Variants in TLL1 observed in about 807,000 individuals in gnomAD.
TLL1 encodes the protein tolloid like 1.
TLL1 carries 49 observed loss-of-function variants against 128.2 expected under a neutral mutation model. The observed-to-expected ratio is 0.38, with a 90% confidence interval of 0.30 to 0.48. TLL1 has a LOEUF of 0.48. Among genes scored for constraint, TLL1 ranks in the 20% least tolerant of loss-of-function variants. The pLI, the probability that TLL1 is intolerant of heterozygous loss-of-function variation, is 0.96. For synonymous variants in TLL1, 454 were observed against 418.8 expected, an observed-to-expected ratio of 1.08 and a Z score of -1.03; for missense variants, 1,123 against 1,242.0, an observed-to-expected ratio of 0.90 and a Z score of 1.44.
At chr4:166,062,729 G>T (rs1458599815) in intron 15 of TLL1, among the ~76,000 whole-genome samples, 1 of 151,974 alleles carries the variant, frequency 6.6e-6, no homozygotes, top group Non-Finnish European at 1.5e-5. Flanking sequence ...CTGCCTGATT[G>T]CCCTGGCCAG....
chr4:166,041,596 G>C (rs1042320769), intron 10 of TLL1, among the ~76,000 whole-genome samples: 1 of 152,106 alleles, frequency 6.6e-6, no homozygotes, highest in Non-Finnish European at 1.5e-5. Flanking sequence ...ACTGTGCCTG[G>C]CCGAGAGCAC....
chr4:166,067,724 G>A (rs926567259), intron 16 of TLL1, among the ~76,000 whole-genome samples: 5 of 151,602 alleles, frequency 3.3e-5, no homozygotes, highest in Non-Finnish European at 7.4e-5. Context: ...AAAGAGTCTA[G>A]CCTAGATTGT....
intron 17 of TLL1, among the ~76,000 whole-genome samples, chr4:166,077,553 T>C (rs538995585): frequency 1.3e-5 from 2 of 152,308 alleles, no homozygotes; most frequent in African/African-American, 2.4e-5. Flanking sequence ...GTTTGTGACA[T>C]TGGATTAAAT....
At chr4:165,983,485 T>G (rs1008301050) in intron 1 of TLL1, among the ~76,000 whole-genome samples, 2 of 151,882 alleles carry the variant, frequency 1.3e-5, no homozygotes, top group African/African-American at 4.8e-5. Context: ...ACAAACATCA[T>G]GAAAAATGTC....
At chr4:165,952,884 G>A (rs1464602195) in intron 1 of TLL1, among the ~76,000 whole-genome samples, 1 of 152,052 alleles carries the variant, frequency 6.6e-6, no homozygotes. Flanking sequence ...GAGCAAGAAT[G>A]GGTTTTAAAA....
In TLL1 at chr4:166,053,977, TG is replaced by T. The variant is rs1301925566; in HGVS notation, c.1525-1098del. ...AATTTTTAAAACAATTTATAAATTT[TG>T]TTTTTTTTTGTTGGTTTGTTTTCAG... On this transcript the variant is annotated intron_variant, in intron 12 of 20. Transcript: ENST00000061240. Among the ~76,000 whole-genome samples, 22 of 152,262 alleles carry T rather than the reference TG, an allele frequency of 1.4e-4. No homozygotes were observed. In the East Asian group the frequency reaches 4.2e-3, roughly 29 times the overall value.
chr4:166,074,851 A>G (rs368446916), intron 16 of TLL1, 27 bp from the exon 17 acceptor site: 29 of 1,611,920 alleles, frequency 1.8e-5, no homozygotes, highest in Non-Finnish European at 2.3e-5. Flanking sequence ...GTTACTTACT[A>G]GACTATGGGA....
chr4:165,991,055 C>T (rs1160080822), intron 2 of TLL1, among the ~76,000 whole-genome samples: 1 of 151,986 alleles, frequency 6.6e-6, no homozygotes, highest in Non-Finnish European at 1.5e-5. Context: ...TTATAAGTTG[C>T]ATTTCCAACT....
At chr4:166,025,276 A>G (rs554713718) in intron 8 of TLL1, 40 bp from the exon 9 acceptor site, 6 of 1,392,904 alleles carry the variant, frequency 4.3e-6, no homozygotes, top group Admixed American at 1.7e-5. Flanking sequence ...CGTATTTTAT[A>G]TAAATTAACC....
At chr4:165,893,174 A>G (rs1731500157) in intron 1 of TLL1, among the ~76,000 whole-genome samples, 1 of 152,238 alleles carries the variant, frequency 6.6e-6, no homozygotes, top group South Asian at 2.1e-4. Flanking sequence ...ATATAGGACT[A>G]CATAAAATCT....
At chr4:166,047,983 T>C (rs544118966) in intron 12 of TLL1, among the ~76,000 whole-genome samples, 1 of 152,132 alleles carries the variant, frequency 6.6e-6, no homozygotes, top group South Asian at 2.1e-4. Context: ...ATGCCTGTAA[T>C]CTCAGCACTT....
chr4:165,963,738 G>A lies in TLL1; in HGVS notation c.170-25643G>A, dbSNP rs140773283. 2.0e-4 allele frequency among the ~76,000 whole-genome samples: 31 copies of A among 152,154 alleles called. No homozygotes were observed. The East Asian group carries it at 4.8e-3, about 24-fold the overall frequency. On this transcript the variant is annotated intron_variant, in intron 1 of 20. Coordinates refer to ENST00000061240, the MANE Select transcript of TLL1 (RefSeq NM_012464.5). ...TCAACAGATAACACACTCTGTCTTCGCCTGGTAGGATAGAAGAGAACATGT... is the reference window on the plus strand; with the variant it reads ...TCAACAGATAACACACTCTGTCTTCACCTGGTAGGATAGAAGAGAACATGT...
chr4:166,003,234 T>A (rs1737250454), intron 5 of TLL1, among the ~76,000 whole-genome samples, 157 bp from the exon 6 acceptor site: 2 of 152,218 alleles, frequency 1.3e-5, no homozygotes, highest in East Asian at 3.9e-4. Flanking sequence ...TTTGAAAGGA[T>A]ACCAGAAACT....
chr4:165,985,944 A>C (rs1373935366), intron 1 of TLL1, among the ~76,000 whole-genome samples: 1 of 151,902 alleles, frequency 6.6e-6, no homozygotes, highest in African/African-American at 2.4e-5. Flanking sequence ...TCCAAGCAGA[A>C]TTCCAAACAG....
At position 166,057,277 on chromosome 4, in the gene TLL1, A is replaced by G. The variant is rs777194759; in HGVS notation, c.1814A>G (p.Tyr605Cys). Residue 605 changes from tyrosine to cysteine, a missense_variant, in exon 14 of 21, where the codon TAT (tyrosine) becomes TGT (cysteine). Tyr to Cys is a radical substitution (Grantham distance 194, BLOSUM62 -2). Coordinates refer to ENST00000061240, the MANE Select transcript of TLL1 (RefSeq NM_012464.5). ...GSYQCACEPG[Y>C]ELGPDRRSCE... ...TACCAGTGTGCCTGTGAGCCTGGCTATGAGCTGGGCCCAGACAGAAGGAGC... is the reference window on the plus strand; with the variant it reads ...TACCAGTGTGCCTGTGAGCCTGGCTGTGAGCTGGGCCCAGACAGAAGGAGC... The G allele has an allele frequency of 1.2e-6, 2 of 1,613,878 alleles. No homozygotes were observed. The highest frequency in any genetic ancestry group is 1.1e-5 in the South Asian group (1 of 91,088).
intron 1 of TLL1, among the ~76,000 whole-genome samples, chr4:165,916,262 C>G (rs1732771404): frequency 6.6e-6 from 1 of 152,160 alleles, no homozygotes; most frequent in Non-Finnish European, 1.5e-5. Context: ...TTGCTTATAC[C>G]TGTTTTGTAT....
At chr4:165,997,589 A>G (rs527379875) in intron 5 of TLL1, among the ~76,000 whole-genome samples, 2 of 152,326 alleles carry the variant, frequency 1.3e-5, no homozygotes, top group South Asian at 2.1e-4. Context: ...ACTATTATGC[A>G]TGAAACTACC....
At chr4:165,963,199 A>C (rs1272499935) in intron 1 of TLL1, among the ~76,000 whole-genome samples, 3 of 152,070 alleles carry the variant, frequency 2.0e-5, no homozygotes, top group African/African-American at 7.2e-5. Context: ...CAAGGAATAG[A>C]AAACTATCTA....
At chr4:165,924,398 T>G (rs908006563) in intron 1 of TLL1, among the ~76,000 whole-genome samples, 2 of 152,134 alleles carry the variant, frequency 1.3e-5, no homozygotes, top group African/African-American at 2.4e-5. Context: ...TGGAGAAAAT[T>G]TAAGTGGTCT....
Sources: gnomAD v4.1 joint callset for allele counts (sites outside exome capture counted in the v4.1 genomes callset) on GRCh38, gnomAD v4.1.1 for gene constraint, MANE v1.5 for transcripts, NCBI Gene and HGNC (gene_info 2026-07-23, HGNC 2026-07-21) for gene names.